The following UBR4 variants were observed in gnomAD, a reference collection of about 807,000 sequenced individuals.
UBR4 encodes the protein E3 ubiquitin-protein ligase UBR4.
In UBR4, 124 loss-of-function variants were observed where a neutral mutation model predicts 575.6. That is an observed-to-expected ratio of 0.22 (90% CI 0.19 to 0.25). The LOEUF is 0.25. UBR4 is among the 10% of genes least tolerant of loss of function. The pLI, the probability that UBR4 is intolerant of heterozygous loss-of-function variation, is 1.00. For missense variants in UBR4, 4,818 were observed against 6,478.8 expected (o/e 0.74, Z 8.80); for synonymous variants, 2,455 against 2,473.7 (o/e 0.99, Z 0.22).
intron 34 of UBR4, 145 bp from the exon 35 acceptor site, chr1:19,162,756 C>A: frequency 1.0e-6 from 1 of 985,232 alleles, no homozygotes; most frequent in Non-Finnish European, 1.4e-6. Flanking sequence ...TATTTATTAA[C>A]CAGGTTTTAC....
Position 19,160,204 on chromosome 1 carries a change from T to C in UBR4, c.5484A>G (p.Gln1828=). Residue 1828 remains glutamine, a synonymous_variant, in exon 39 of 106, where the codon CAA becomes CAG. Coordinates refer to ENST00000375254, the MANE Select transcript of UBR4 (RefSeq NM_020765.3). ...LMDAIQTNFQ[Q]ASAVGSSSRA... ...GGCTGCTGCTCCCGACGGCTGAAGC[T>C]TGCTGGAAGTTGGTCTGAATGGCAT... 1 of 1,613,916 alleles carries C rather than the reference T, an allele frequency of 6.2e-7. No homozygotes were observed. The highest frequency in any genetic ancestry group is 1.1e-5 in the South Asian group (1 of 91,074).
intron 55 of UBR4, 63 bp from the exon 56 acceptor site, chr1:19,141,840 A>G (rs1032505309): frequency 1.1e-5 from 17 of 1,591,866 alleles, no homozygotes; most frequent in African/African-American, 9.4e-5. Flanking sequence ...ACATGGTGCC[A>G]TAAGTCAGGT....
intron 87 of UBR4, among the ~76,000 whole-genome samples, chr1:19,103,761 A>G (rs1343750916): frequency 6.6e-6 from 1 of 152,202 alleles, no homozygotes; most frequent in African/African-American, 2.4e-5. Context: ...TTTCACAAGG[A>G]AAAGAAAGAG....
chr1:19,115,220 C>CAA (rs1557644641), intron 74 of UBR4, among the ~76,000 whole-genome samples, 178 bp downstream of exon 74: 1 of 144,984 alleles, frequency 6.9e-6, no homozygotes, highest in Non-Finnish European at 1.5e-5. Context: ...CACACACACA[C>CAA]ACTCACTCAC....
At chr1:19,160,399 G>A in intron 38 of UBR4, 118 bp from the exon 39 acceptor site, 1 of 994,568 alleles carries the variant, frequency 1.0e-6, no homozygotes, top group Non-Finnish European at 1.4e-6. Flanking sequence ...TTCACTTCCA[G>A]TTGGATATTC....
At chr1:19,177,880 A>G in intron 18 of UBR4, 137 bp from the exon 19 acceptor site, 1 of 1,112,282 alleles carries the variant, frequency 9.0e-7, no homozygotes, top group Admixed American at 2.9e-5. Flanking sequence ...AAAAGGCTAC[A>G]TGGTAAAGAC....
At chr1:19,155,206 A>T in intron 43 of UBR4, 131 bp from the exon 44 acceptor site, 1 of 1,310,342 alleles carries the variant, frequency 7.6e-7, no homozygotes, top group South Asian at 1.4e-5. Flanking sequence ...CCTGTGGGTA[A>T]ATCTTACAAA....
intron 25 of UBR4, among the ~76,000 whole-genome samples, chr1:19,171,822 G>A (rs1013906022): frequency 6.6e-4 from 100 of 152,288 alleles, no homozygotes; most frequent in African/African-American, 2.2e-3. Flanking sequence ...TCCGGCCTGG[G>A]TGACACAGTG....
chr1:19,202,190 C>T (rs754866046), intron 1 of UBR4, among the ~76,000 whole-genome samples: 15 of 152,010 alleles, frequency 9.9e-5, no homozygotes, highest in Non-Finnish European at 1.9e-4. Flanking sequence ...AAGACTTCAT[C>T]TCAAAAAAAG....
chr1:19,164,505 A>C (rs1010929158), intron 32 of UBR4, 64 bp from the exon 33 acceptor site: 1 of 1,519,462 alleles, frequency 6.6e-7, no homozygotes. Flanking sequence ...TGTGTTATAA[A>C]GGAAGTTTTA....
chr1:19,174,225 C>T, intron 22 of UBR4, 94 bp downstream of exon 22: 3 of 1,491,050 alleles, frequency 2.0e-6, no homozygotes, highest in South Asian at 1.3e-5. Context: ...AATCAATATT[C>T]AATAAACTGG....
At chr1:19,200,435 C>T (rs752709978) in intron 2 of UBR4, among the ~76,000 whole-genome samples, 1 of 151,996 alleles carries the variant, frequency 6.6e-6, no homozygotes, top group Non-Finnish European at 1.5e-5. Context: ...TCTAAAATGA[C>T]GTCCTGGTCA....
At chr1:19,178,818 T>C (rs2090567500) in intron 18 of UBR4, among the ~76,000 whole-genome samples, 1 of 152,188 alleles carries the variant, frequency 6.6e-6, no homozygotes, top group Non-Finnish European at 1.5e-5. Context: ...TGTGGTTCCA[T>C]CGCATAATTA....
Position 19,153,709 on chromosome 1 carries a change from A to C in UBR4, c.6630+59T>G, listed in dbSNP as rs184771756. The C allele has an allele frequency of 2.1e-4, 323 of 1,561,302 alleles. 2 individuals are homozygous for C. The East Asian group carries it at 4.4e-3, about 21-fold the overall frequency. On this transcript the variant is annotated intron_variant, in intron 45 of 105. Coordinates refer to ENST00000375254, the MANE Select transcript of UBR4 (RefSeq NM_020765.3). The surrounding 1 kb of genome is among the most constrained non-coding windows in gnomAD (Gnocchi z 4.1). Reference sequence around the variant, plus strand: ...AGCTGGGAAAGTGAAATGAATATACAAACATAAAAAGAGACCAGGTTCACA... The same window carrying C: ...AGCTGGGAAAGTGAAATGAATATACCAACATAAAAAGAGACCAGGTTCACA...
intron 84 of UBR4, 104 bp from the exon 85 acceptor site, chr1:19,105,293 G>A: frequency 1.5e-6 from 2 of 1,355,378 alleles, no homozygotes; most frequent in Non-Finnish European, 2.0e-6. Flanking sequence ...TCTGCTGTCT[G>A]TCTCTCCTGC....
intron 5 of UBR4, 109 bp downstream of exon 5, chr1:19,198,432 A>T: frequency 7.1e-7 from 1 of 1,407,734 alleles, no homozygotes; most frequent in Non-Finnish European, 9.6e-7. Flanking sequence ...TCCCACAGAC[A>T]TGTATATCAT....
intron 35 of UBR4, 23 bp downstream of exon 35, chr1:19,162,397 C>A: frequency 6.3e-7 from 1 of 1,599,096 alleles, no homozygotes; most frequent in Non-Finnish European, 8.5e-7. Context: ...GAGAGGTTAA[C>A]TTCGAGGTTA....
chr1:19,115,024 T>G, intron 74 of UBR4, 75 bp from the exon 75 acceptor site: 1 of 1,588,544 alleles, frequency 6.3e-7, no homozygotes, highest in Non-Finnish European at 8.6e-7. Context: ...GGAAATGGAT[T>G]GTGCCACATT....
intron 97 of UBR4, among the ~76,000 whole-genome samples, chr1:19,091,179 C>T (rs1235549710): frequency 3.3e-5 from 5 of 151,860 alleles, no homozygotes; most frequent in African/African-American, 1.2e-4. Flanking sequence ...AAATCACAAC[C>T]GTGTTCCTTG....
Sources: gnomAD v4.1 joint callset for allele counts (sites outside exome capture counted in the v4.1 genomes callset) on GRCh38, gnomAD v4.1.1 for gene constraint, Gnocchi (gnomAD v3.1) non-coding constraint, MANE v1.5 for transcripts, NCBI Gene and HGNC (gene_info 2026-07-23, HGNC 2026-07-21) for gene names.